MYO10: variants seen among roughly 807,000 people sequenced by gnomAD.
MYO10 encodes the protein unconventional myosin-X.
Under a neutral mutation model 257.3 loss-of-function variants are expected in MYO10, and 133 were observed. The ratio of observed to expected loss-of-function variants is 0.52; its 90% CI spans 0.45 to 0.60. The LOEUF (loss-of-function observed/expected upper bound fraction) is 0.60, where lower values mean the gene tolerates loss of function less well. MYO10 is among the 20% of genes least tolerant of loss of function. The probability of loss-of-function intolerance (pLI) is 0.00; values close to 1 mark genes in which losing one functional copy is unlikely to be tolerated. For missense variants in MYO10, 2,399 were observed against 2,635.7 expected (o/e 0.91, Z 1.97); for synonymous variants, 1,104 against 1,028.6 (o/e 1.07, Z -1.40).
rs1434109070 is a variant in MYO10 at position 16,665,822 on chromosome 5, G to A, written c.*870C>T. On this transcript the variant is annotated 3_prime_UTR_variant, in exon 41 of 41. Coordinates refer to ENST00000513610, the MANE Select transcript of MYO10 (RefSeq NM_012334.3). ...GTTTATAAATACAGTTATCTTGTAGGCTGCTTATCTGTTTATAATACAGCA... is the reference window on the plus strand; with the variant it reads ...GTTTATAAATACAGTTATCTTGTAGACTGCTTATCTGTTTATAATACAGCA... The A allele has an allele frequency of 1.3e-5, 2 of 152,590 alleles. No individual in the cohort carries two copies. Among genetic ancestry groups the A allele is most frequent in the African/African-American group, 4.8e-5 (2 of 41,404 alleles). The allele number at this position is 152,590 out of a possible 1,614,324, so 9.5% of individuals were successfully genotyped here. A position where few individuals can be genotyped will look rare whatever the true frequency, so the allele number is the denominator to read the frequency against.
chr5:16,780,778 A>G, intron 6 of MYO10, 37 bp from the exon 7 acceptor site: 1 of 1,557,436 alleles, frequency 6.4e-7, no homozygotes, highest in Non-Finnish European at 8.7e-7. Context: ...AAGGAAAAAA[A>G]CAAAGCTATG....
chr5:16,777,757 A>T (rs1199485038), intron 9 of MYO10, among the ~76,000 whole-genome samples: 2 of 151,936 alleles, frequency 1.3e-5, no homozygotes, highest in African/African-American at 2.4e-5. Context: ...TGAAGTTCAT[A>T]ACAGTAAGTG....
chr5:16,666,544 T>C lies in MYO10; in HGVS notation c.*148A>G. 1 of 619,804 alleles carries C rather than the reference T, an allele frequency of 1.6e-6. No individual in the cohort carries two copies. Among genetic ancestry groups the C allele is most frequent in the Non-Finnish European group, 2.8e-6 (1 of 359,372 alleles). 38.4% of individuals were successfully genotyped at this position (619,804 alleles called of 1,614,324 possible). The stretch of plus-strand genomic sequence containing the variant: ...TCAATGAAGGCGGCAGGCAAAAGGA[T>C]CCTCGGAGACACCTCCCTCAGACCA... On this transcript the variant is annotated 3_prime_UTR_variant, in exon 41 of 41. Transcript: ENST00000513610.
rs371447078 is a variant in MYO10, at chr5:16,701,238, G to A, written c.3157C>T (p.Leu1053Phe). Residue 1053 changes from leucine to phenylalanine, a missense_variant, in exon 25 of 41, where the codon CTC (leucine) becomes TTC (phenylalanine). Around this residue, in one of 3 missense-constraint regions of MYO10, gnomAD observed 1,820 missense variants for 1,939.4 expected, o/e 0.94. Coordinates refer to ENST00000513610, the MANE Select transcript of MYO10 (RefSeq NM_012334.3). This position sits in a 1 kb window ranked among gnomAD's most constrained non-coding sequence, Gnocchi z 8.1. ...TSPSADSTVL[L>F]APSVQDSGSL... ...CCGGAGTCCTGCACTGATGGGGCGA[G>A]CAGCACCGTGCTGTCCGCACTGGGG... The A allele has an allele frequency of 6.2e-7, 1 of 1,613,042 alleles. No individual in the cohort carries two copies. The highest frequency in any genetic ancestry group is 8.5e-7 in the Non-Finnish European group (1 of 1,179,548).
chr5:16,902,456 A>G, intron 1 of MYO10: 1 of 1,336,122 alleles, frequency 7.5e-7, no homozygotes, highest in South Asian at 1.2e-5. Flanking sequence ...TGGGAAGCAC[A>G]TAGGCATCGA....
Position 16,782,098 on chromosome 5 carries a change from G to A in MYO10, c.603-269C>T, listed in dbSNP as rs1277757889. 3.3e-5 allele frequency among the ~76,000 whole-genome samples: 5 copies of A among 152,202 alleles called. No homozygotes were observed. In the East Asian group the frequency reaches 9.6e-4, roughly 29 times the overall value. ...ACCGCAATGGCTCGTTCCTGCACCA[G>A]TGAGTGTGGCCTTACATGCACAATC... On this transcript the variant is annotated intron_variant, in intron 5 of 40. Transcript: ENST00000513610.
intron 1 of MYO10, among the ~76,000 whole-genome samples, chr5:16,923,810 C>T (rs1746058287): frequency 6.6e-6 from 1 of 151,768 alleles, no homozygotes; most frequent in Non-Finnish European, 1.5e-5. Flanking sequence ...AAAAAATTGG[C>T]CAAGTGCGAT....
At chr5:16,743,316 A>G (rs945122873) in intron 19 of MYO10, among the ~76,000 whole-genome samples, 1 of 152,068 alleles carries the variant, frequency 6.6e-6, no homozygotes, top group Admixed American at 6.5e-5. Context: ...AATCTTGTCC[A>G]TATCATTCAC....
chr5:16,681,442 C>T lies in MYO10; in HGVS notation c.4251G>A (p.Arg1417=), dbSNP rs751138412. 2 of 1,613,926 alleles carry T rather than the reference C, an allele frequency of 1.2e-6. No individual in the cohort carries two copies. Among genetic ancestry groups the T allele is most frequent in the Admixed American group, 1.7e-5 (1 of 60,014 alleles). Residue 1417 remains arginine, a synonymous_variant, in exon 32 of 41, where the codon CGG becomes CGA. Coordinates refer to ENST00000513610, the MANE Select transcript of MYO10 (RefSeq NM_012334.3). The part of the protein sequence containing the change: ...PKMSSLKLKK[R]WFVLTHNSLD... The stretch of plus-strand genomic sequence containing the variant: ...GGGAATTGTGGGTGAGTACAAACCA[C>T]CGTTTCTTCAGTTTCAGTGAAGACA...
intron 1 of MYO10, among the ~76,000 whole-genome samples, chr5:16,886,653 T>G (rs1744904890): frequency 6.6e-6 from 1 of 152,116 alleles, no homozygotes; most frequent in South Asian, 2.1e-4. Flanking sequence ...CTACTGCGGC[T>G]GGGCACAGTG....
At chr5:16,747,167 G>A (rs1355548536) in intron 19 of MYO10, among the ~76,000 whole-genome samples, 1 of 152,122 alleles carries the variant, frequency 6.6e-6, no homozygotes, top group Non-Finnish European at 1.5e-5. Context: ...TCTAGAAGGG[G>A]TCAGCTGAGG....
chr5:16,774,920 A>G (rs1244881584), intron 9 of MYO10, among the ~76,000 whole-genome samples: 1 of 152,218 alleles, frequency 6.6e-6, no homozygotes, highest in Non-Finnish European at 1.5e-5. Flanking sequence ...ACACAAGGTC[A>G]CACACCATTC....
At chr5:16,903,329 T>C (rs1395291851) in intron 1 of MYO10, among the ~76,000 whole-genome samples, 1 of 152,154 alleles carries the variant, frequency 6.6e-6, no homozygotes, top group Non-Finnish European at 1.5e-5. Flanking sequence ...CACTTGAACC[T>C]GGGAGGCGGA....
intron 19 of MYO10, among the ~76,000 whole-genome samples, chr5:16,722,905 A>G (rs1739205790): frequency 1.3e-5 from 2 of 152,228 alleles, no homozygotes; most frequent in Admixed American, 1.3e-4. Context: ...AACAGACTGA[A>G]AAATATTTGG....
chr5:16,678,508 A>G (rs1233033641), intron 33 of MYO10, among the ~76,000 whole-genome samples: 1 of 152,134 alleles, frequency 6.6e-6, no homozygotes, highest in African/African-American at 2.4e-5. Flanking sequence ...TGAACCCGGG[A>G]GGCGGAGGTT....
intron 1 of MYO10, among the ~76,000 whole-genome samples, chr5:16,898,680 AT>A (rs1745287247): frequency 6.6e-6 from 1 of 150,952 alleles, no homozygotes; most frequent in Non-Finnish European, 1.5e-5. Context: ...AAGTGCTGGG[AT>A]TACAGGTGTG....
chr5:16,828,577 G>GCCAC (rs1743068735), intron 2 of MYO10, among the ~76,000 whole-genome samples: 1 of 144,228 alleles, frequency 6.9e-6, no homozygotes, highest in African/African-American at 2.6e-5. Flanking sequence ...CTGAGATTGC[G>GCCAC]CCACTGCACT....
chr5:16,676,533 G>A lies in MYO10; in HGVS notation c.4543-379C>T, dbSNP rs184189817. 5.9e-5 allele frequency among the ~76,000 whole-genome samples: 9 copies of A among 152,220 alleles called. No individual in the cohort carries two copies. The East Asian group carries it at 1.7e-3, about 29-fold the overall frequency. ...AGTTCGAGACCAGCCTGACCAACAT[G>A]GTGAAACCCTGTCTCCACTAAAAAT... On this transcript the variant is annotated intron_variant, in intron 33 of 40. Coordinates refer to ENST00000513610, the MANE Select transcript of MYO10 (RefSeq NM_012334.3).
chr5:16,839,133 C>A (rs2063328331), intron 2 of MYO10, among the ~76,000 whole-genome samples: 1 of 152,114 alleles, frequency 6.6e-6, no homozygotes, highest in Non-Finnish European at 1.5e-5. Context: ...TTAAGGAATG[C>A]ATTTCATAAG....
Sources: gnomAD v4.1 joint callset for allele counts (sites outside exome capture counted in the v4.1 genomes callset) on GRCh38, gnomAD v4.1.1 for gene constraint, gnomAD v4.1.1 regional missense constraint, Gnocchi (gnomAD v3.1) non-coding constraint, MANE v1.5 for transcripts, NCBI Gene and HGNC (gene_info 2026-07-23, HGNC 2026-07-21) for gene names.